Variants in ARHGAP10 observed in about 807,000 individuals in gnomAD.
ARHGAP10 encodes rho GTPase-activating protein 10.
A neutral mutation model predicts 108.6 loss-of-function variants in ARHGAP10; 87 were observed. That is an observed-to-expected ratio of 0.80 (90% CI 0.67 to 0.96). ARHGAP10 has a LOEUF of 0.96. ARHGAP10 is among the 40% of genes least tolerant of loss of function. ARHGAP10 has a pLI of 0.00. For missense variants in ARHGAP10, 939 were observed against 954.5 expected, an observed-to-expected ratio of 0.98 and a Z score of 0.21; for synonymous variants, 347 against 341.1, an observed-to-expected ratio of 1.02 and a Z score of -0.19.
In ARHGAP10 at chr4:148,046,875, G is replaced by A. The variant is rs377415966; in HGVS notation, c.1868-17G>A. Reference sequence around the variant, plus strand: ...TCCAGGTATTTGTTTGATATTCAATGCTTTTTTTCCTCCTAGGTGACAATC... The same window carrying A: ...TCCAGGTATTTGTTTGATATTCAATACTTTTTTTCCTCCTAGGTGACAATC... On this transcript the variant is annotated splice_polypyrimidine_tract_variant and intron_variant, in intron 19 of 22. Coordinates refer to ENST00000336498, the MANE Select transcript of ARHGAP10 (RefSeq NM_024605.4). The A allele has an allele frequency of 4.6e-5, 74 of 1,604,602 alleles. No individual in the cohort carries two copies. The African/African-American group carries it at 9.0e-4, about 19-fold the overall frequency.
At chr4:147,866,555 G>A (rs970535079) in intron 6 of ARHGAP10, 157 bp from the exon 7 acceptor site, 5 of 587,708 alleles carry the variant, frequency 8.5e-6, no homozygotes, top group South Asian at 4.8e-5. Flanking sequence ...TAGATAATAT[G>A]TACTTGTGTT....
chr4:147,901,085 G>C (rs1275576505), intron 10 of ARHGAP10, among the ~76,000 whole-genome samples: 1 of 151,986 alleles, frequency 6.6e-6, no homozygotes, highest in South Asian at 2.1e-4. Flanking sequence ...TTTATATTTT[G>C]GTTTAACAGT....
At chr4:147,863,147 A>G (rs1734397157) in intron 5 of ARHGAP10, 1 of 152,204 alleles carries the variant, frequency 6.6e-6, no homozygotes, top group South Asian at 2.1e-4. Context: ...CAGTGGTATT[A>G]AGTACATTCA....
intron 1 of ARHGAP10, among the ~76,000 whole-genome samples, chr4:147,764,134 G>A (rs1227734747): frequency 6.6e-6 from 1 of 152,190 alleles, no homozygotes; most frequent in Non-Finnish European, 1.5e-5. Flanking sequence ...TGGAAGGTAG[G>A]ACGTGAGCAA....
chr4:147,978,188 C>T (rs892666945), intron 18 of ARHGAP10, among the ~76,000 whole-genome samples: 1 of 151,866 alleles, frequency 6.6e-6, no homozygotes, highest in African/African-American at 2.4e-5. Flanking sequence ...GGATATATAC[C>T]CAGTAAGGTA....
chr4:147,977,444 C>CT lies in ARHGAP10; in HGVS notation c.1716+10611dup, dbSNP rs577048238. 4.6e-5 allele frequency among the ~76,000 whole-genome samples: 7 copies of CT among 152,206 alleles called. No homozygotes were observed. In the South Asian group the frequency reaches 1.2e-3, roughly 27 times the overall value. ...TGTAAAATAAAGCTTTTAGAGCTGT[C>CT]TTTTTTGTATCTCTCAAGATAAAAT... On this transcript the variant is annotated intron_variant, in intron 18 of 22. Coordinates refer to ENST00000336498, the MANE Select transcript of ARHGAP10 (RefSeq NM_024605.4).
At chr4:147,909,677 A>G (rs1472010535) in intron 11 of ARHGAP10, 55 bp from the exon 12 acceptor site, 2 of 1,467,426 alleles carry the variant, frequency 1.4e-6, no homozygotes, top group Non-Finnish European at 1.9e-6. Context: ...TGCCTACTTG[A>G]ATAATTTTTG....
intron 1 of ARHGAP10, among the ~76,000 whole-genome samples, chr4:147,804,335 CT>C (rs935460629): frequency 6.6e-6 from 1 of 151,966 alleles, no homozygotes; most frequent in Middle Eastern, 3.4e-3. Flanking sequence ...TGATGGTGTT[CT>C]TTTTTTTATG....
chr4:147,881,441 C>T (rs1416570159), intron 9 of ARHGAP10, among the ~76,000 whole-genome samples: 1 of 151,632 alleles, frequency 6.6e-6, no homozygotes, highest in African/African-American at 2.4e-5. Flanking sequence ...AGATTGACAC[C>T]AGCCTGGCCA....
At chr4:147,805,281 T>A (rs1731738366) in intron 1 of ARHGAP10, among the ~76,000 whole-genome samples, 2 of 152,136 alleles carry the variant, frequency 1.3e-5, no homozygotes, top group African/African-American at 2.4e-5. Flanking sequence ...GATCAGATGG[T>A]TGTAGGTGTG....
At chr4:147,796,318 G>A (rs940082168) in intron 1 of ARHGAP10, among the ~76,000 whole-genome samples, 18 of 152,030 alleles carry the variant, frequency 1.2e-4, no homozygotes, top group Admixed American at 3.3e-4. Flanking sequence ...ACAAACACAC[G>A]TGTACTTACC....
At chr4:148,023,673 G>A (rs1267442496) in intron 19 of ARHGAP10, among the ~76,000 whole-genome samples, 1 of 152,160 alleles carries the variant, frequency 6.6e-6, no homozygotes, top group African/African-American at 2.4e-5. Context: ...TGGGAGACTT[G>A]TGTGACCTCC....
chr4:147,846,262 C>T (rs77485679), intron 3 of ARHGAP10, among the ~76,000 whole-genome samples: 9,623 of 152,154 alleles, frequency 0.063, 972 homozygotes, highest in African/African-American at 0.21. Context: ...AGAATCTTTT[C>T]CTATTCCAAA....
Position 148,046,917 on chromosome 4 carries a change from G to A in ARHGAP10, c.1893G>A (p.Glu631=). The A allele has an allele frequency of 6.2e-7, 1 of 1,613,984 alleles. No homozygotes were observed. Among genetic ancestry groups the A allele is most frequent in the Non-Finnish European group, 8.5e-7 (1 of 1,179,952 alleles). Residue 631 remains glutamate, a synonymous_variant, in exon 20 of 23, where the codon GAG becomes GAA. Coordinates refer to ENST00000336498, the MANE Select transcript of ARHGAP10 (RefSeq NM_024605.4). Reference sequence around the variant, plus strand: ...GTGACAATCCTTACCCTTCCAAGGAGGACACCCCTACCAGCAGTCTGGACT... The same window carrying A: ...GTGACAATCCTTACCCTTCCAAGGAAGACACCCCTACCAGCAGTCTGGACT... ...EDGDNPYPSK[E]DTPTSSLDSL...
chr4:147,866,558 C>A, intron 6 of ARHGAP10, 154 bp from the exon 7 acceptor site: 1 of 587,058 alleles, frequency 1.7e-6, no homozygotes, highest in Non-Finnish European at 3.0e-6. Flanking sequence ...ATAATATGTA[C>A]TTGTGTTTAC....
intron 20 of ARHGAP10, among the ~76,000 whole-genome samples, chr4:148,060,215 C>A (rs1400363576): frequency 6.6e-6 from 1 of 151,984 alleles, no homozygotes; most frequent in Admixed American, 6.6e-5. Context: ...ATACTTTCCT[C>A]TACCGTTTTT....
At chr4:148,020,714 T>C (rs951981999) in intron 18 of ARHGAP10, among the ~76,000 whole-genome samples, 2 of 152,182 alleles carry the variant, frequency 1.3e-5, no homozygotes, top group African/African-American at 4.8e-5. Flanking sequence ...TTTGGGTTGA[T>C]TCCATGTCTT....
intron 1 of ARHGAP10, among the ~76,000 whole-genome samples, chr4:147,820,194 T>C (rs546245393): frequency 2.4e-4 from 37 of 152,272 alleles, no homozygotes; most frequent in Middle Eastern, 3.4e-3. Flanking sequence ...GGAGTGAGTT[T>C]GGCATGTGTG....
At chr4:148,004,746 C>T (rs1043233067) in intron 18 of ARHGAP10, among the ~76,000 whole-genome samples, 2 of 152,174 alleles carry the variant, frequency 1.3e-5, no homozygotes, top group Non-Finnish European at 2.9e-5. Context: ...CCCAGTTCAG[C>T]GTCCAGAATA....
Sources: gnomAD v4.1 joint callset for allele counts (sites outside exome capture counted in the v4.1 genomes callset) on GRCh38, gnomAD v4.1.1 for gene constraint, MANE v1.5 for transcripts, NCBI Gene and HGNC (gene_info 2026-07-23, HGNC 2026-07-21) for gene names.